GPT2: variants seen among roughly 807,000 people sequenced by gnomAD.
GPT2 encodes the protein glutamic--pyruvic transaminase 2.
Under a neutral mutation model 56.9 loss-of-function variants are expected in GPT2, and 30 were observed. The ratio of observed to expected loss-of-function variants is 0.53; its 90% CI spans 0.39 to 0.72. GPT2 has a LOEUF of 0.72. Among genes scored for constraint, GPT2 ranks in the 30% least tolerant of loss-of-function variants. The pLI is 0.00. For synonymous variants in GPT2, 271 were observed against 283.1 expected (o/e 0.96, Z 0.43); for missense variants, 542 against 703.4 (o/e 0.77, Z 2.60).
intron 4 of GPT2, among the ~76,000 whole-genome samples, chr16:46,901,740 T>G (rs1418104035): frequency 6.6e-6 from 1 of 152,164 alleles, no homozygotes; most frequent in Non-Finnish European, 1.5e-5. Flanking sequence ...CGTCCCTTAT[T>G]GACGGCCCTG....
intron 6 of GPT2, 168 bp from the exon 7 acceptor site, chr16:46,916,460 G>A (rs564738438): frequency 1.0e-4 from 66 of 644,266 alleles, no homozygotes; most frequent in African/African-American, 7.7e-4. Flanking sequence ...CCTGGAGGCC[G>A]ACTACACCAT....
intron 5 of GPT2, among the ~76,000 whole-genome samples, chr16:46,909,003 A>T (rs1410671517): frequency 6.6e-6 from 1 of 152,202 alleles, no homozygotes; most frequent in Non-Finnish European, 1.5e-5. Context: ...GGTTTCTCAG[A>T]AATCTTCAAC....
intron 2 of GPT2, among the ~76,000 whole-genome samples, chr16:46,887,398 G>T (rs759734725): frequency 6.6e-6 from 1 of 152,180 alleles, no homozygotes; most frequent in Non-Finnish European, 1.5e-5. Context: ...AACCCGGAAG[G>T]TGGAGGTGGC....
intron 4 of GPT2, among the ~76,000 whole-genome samples, chr16:46,901,448 G>A (rs890957937): frequency 2.6e-5 from 4 of 152,106 alleles, no homozygotes; most frequent in Non-Finnish European, 4.4e-5. Context: ...CCTCCCCTGC[G>A]GTGATGGAGT....
chr16:46,926,431 A>G (rs893415505), intron 10 of GPT2, among the ~76,000 whole-genome samples: 1 of 152,052 alleles, frequency 6.6e-6, no homozygotes, highest in Admixed American at 6.6e-5. Flanking sequence ...CCTGGGTGAC[A>G]GAGGGAGACT....
In GPT2 at chr16:46,909,794, C is replaced by G. The variant is rs766268352; in HGVS notation, c.687C>G (p.Ile229Met). 1 of 1,614,148 alleles carries G rather than the reference C, an allele frequency of 6.2e-7. No homozygotes were observed. Among genetic ancestry groups the G allele is most frequent in the Non-Finnish European group, 8.5e-7 (1 of 1,180,030 alleles). ...CTGTCATCTCTGAGCTCGACGCCAT[C>G]CAGGTGAATTACTACCTGGACGAGG... ...YSAVISELDA[I>M]QVNYYLDEEN... Residue 229 changes from isoleucine to methionine, a missense_variant, in exon 6 of 12, where the codon ATC becomes ATG. By Grantham distance (10) the Ile-to-Met change is conservative (BLOSUM62 1). Transcript: ENST00000340124.
intron 10 of GPT2, among the ~76,000 whole-genome samples, chr16:46,924,802 C>T (rs1455114709): frequency 1.3e-5 from 2 of 152,238 alleles, no homozygotes; most frequent in African/African-American, 4.8e-5. Flanking sequence ...CTGCTGCTCC[C>T]AAGGGCGGTG....
chr16:46,920,550 C>T (rs1328490881), intron 8 of GPT2, among the ~76,000 whole-genome samples: 1 of 152,154 alleles, frequency 6.6e-6, no homozygotes, highest in African/African-American at 2.4e-5. Flanking sequence ...GGCATGTGTT[C>T]CCAACGTGGT....
At position 46,897,709 on chromosome 16, in the gene GPT2, G is replaced by A; in HGVS notation, c.305G>A (p.Gly102Glu). The stretch of plus-strand genomic sequence containing the variant: ...AACATCGGGGACGCCCAGGCTATGG[G>A]GCAGCAGCCAATCACCTTCCTCCGG... Reference protein sequence around the residue: ...RANIGDAQAMGQQPITFLRQV... With the variant: ...RANIGDAQAMEQQPITFLRQV... The change falls in exon 3 of 12, where the codon GGG (glycine) becomes GAG (glutamate). Residue 102 changes from glycine (G) to glutamate (E), a missense_variant. By Grantham distance (98) the Gly-to-Glu change is moderately conservative (BLOSUM62 -2). Transcript: ENST00000340124. 6.2e-7 allele frequency: 1 copy of A among 1,614,110 alleles called. No homozygotes were observed. Among genetic ancestry groups the A allele is most frequent in the Non-Finnish European group, 8.5e-7 (1 of 1,179,976 alleles).
chr16:46,898,927 T>TAC (rs1960746528), intron 3 of GPT2, among the ~76,000 whole-genome samples: 3 of 140,184 alleles, frequency 2.1e-5, no homozygotes, highest in East Asian at 2.0e-4. Context: ...CACATATATA[T>TAC]GTGTATATAT....
chr16:46,897,813 C>A, intron 3 of GPT2, 76 bp downstream of exon 3: 1 of 1,295,424 alleles, frequency 7.7e-7, no homozygotes, highest in Non-Finnish European at 1.1e-6. Flanking sequence ...GGGCCGTCCT[C>A]TGCCCCCTCG....
At chr16:46,889,091 A>G (rs534892548) in intron 2 of GPT2, among the ~76,000 whole-genome samples, 9 of 151,952 alleles carry the variant, frequency 5.9e-5, no homozygotes, top group African/African-American at 1.9e-4. Flanking sequence ...CAGTGGCGCA[A>G]TCTCAGCTCA....
Position 46,929,121 on chromosome 16 carries a change from A to T in GPT2, c.*124A>T. ...AGAGGCCGCTGGTCACTTCGTCATC[A>T]TTTTGCCCCTGGAGACGTCTTTCTT... On this transcript the variant is annotated 3_prime_UTR_variant, in exon 12 of 12. Transcript: ENST00000340124. 4 of 713,712 alleles carry T rather than the reference A, an allele frequency of 5.6e-6. No individual in the cohort carries two copies. 44.2% of individuals were successfully genotyped at this position (713,712 alleles called of 1,614,324 possible). A position where few individuals can be genotyped will look rare whatever the true frequency, so the allele number is the denominator to read the frequency against.
In GPT2 at chr16:46,929,667, A is replaced by G. The variant is rs890495002; in HGVS notation, c.*670A>G. The G allele has an allele frequency of 6.6e-6, 1 of 152,572 alleles. No homozygotes were observed. The highest frequency in any genetic ancestry group is 1.5e-5 in the Non-Finnish European group (1 of 68,292). 9.5% of individuals were successfully genotyped at this position (152,572 alleles called of 1,614,324 possible). On this transcript the variant is annotated 3_prime_UTR_variant, in exon 12 of 12. Coordinates refer to ENST00000340124, the MANE Select transcript of GPT2 (RefSeq NM_133443.4). Reference sequence around the variant, plus strand: ...CTGGGCCTCCGCTTCCCAGCAACGCAGCCAGGCCTGAGAATTCTGTGCGCC... The same window carrying G: ...CTGGGCCTCCGCTTCCCAGCAACGCGGCCAGGCCTGAGAATTCTGTGCGCC...
At chr16:46,889,582 A>G (rs780735668) in intron 2 of GPT2, among the ~76,000 whole-genome samples, 47 of 152,116 alleles carry the variant, frequency 3.1e-4, no homozygotes, top group Non-Finnish European at 6.0e-4. Context: ...CTTGTAGTGC[A>G]GGCTTCCAAT....
chr16:46,889,090 A>G (rs989730974), intron 2 of GPT2, among the ~76,000 whole-genome samples: 10 of 151,932 alleles, frequency 6.6e-5, no homozygotes, highest in Non-Finnish European at 1.5e-5. Context: ...GCAGTGGCGC[A>G]ATCTCAGCTC....
Position 46,897,647 on chromosome 16 carries a change from G to T in GPT2, c.244-1G>T. 1 of 1,613,854 alleles carries T rather than the reference G, an allele frequency of 6.2e-7. No homozygotes were observed. Among genetic ancestry groups the T allele is most frequent in the Non-Finnish European group, 8.5e-7 (1 of 1,179,800 alleles). On this transcript the variant is annotated splice_acceptor_variant, in intron 2 of 11. Coordinates refer to ENST00000340124, the MANE Select transcript of GPT2 (RefSeq NM_133443.4). LOFTEE classifies it high-confidence loss of function. ...CCACCTGTTGCTTTCTCTCTGCCCA[G>T]GGTATCAAAAAGCCATTCACAGAGG...
chr16:46,895,989 G>A (rs978326601), intron 2 of GPT2, among the ~76,000 whole-genome samples: 12 of 152,192 alleles, frequency 7.9e-5, no homozygotes, highest in Non-Finnish European at 1.6e-4. Context: ...TTTGGGGAAG[G>A]GGCAGCTGGA....
intron 2 of GPT2, chr16:46,885,270 G>C: frequency 8.9e-7 from 1 of 1,122,536 alleles, no homozygotes; most frequent in Non-Finnish European, 1.1e-6. Flanking sequence ...CCAGTGGAGA[G>C]AGGAACATAA....
Sources: gnomAD v4.1 joint callset for allele counts (sites outside exome capture counted in the v4.1 genomes callset) on GRCh38, gnomAD v4.1.1 for gene constraint, MANE v1.5 for transcripts, NCBI Gene and HGNC (gene_info 2026-07-23, HGNC 2026-07-21) for gene names.